The following WDR27 variants were observed in gnomAD, a reference collection of about 807,000 sequenced individuals.
The protein encoded by WDR27 is WD repeat domain 27.
Under a neutral mutation model 114.4 loss-of-function variants are expected in WDR27, and 100 were observed. That is an observed-to-expected ratio of 0.87 (90% CI 0.74 to 1.03). The LOEUF is 1.03. Among genes scored for constraint, WDR27 ranks in the 50% least tolerant of loss-of-function variants. WDR27 has a pLI of 0.00. For missense variants in WDR27, 1,129 were observed against 1,092.9 expected, an observed-to-expected ratio of 1.03 and a Z score of -0.47; for synonymous variants, 449 against 423.1, an observed-to-expected ratio of 1.06 and a Z score of -0.75.
rs1174061662 is a variant in WDR27, at chr6:169,662,438, T to A, written c.905-14A>T. ...GCTGGCTTTCTTCTAGGGACAGAAT[T>A]ATTGAGAATCTAAGAAGTGAACTTA... On this transcript the variant is annotated splice_polypyrimidine_tract_variant and intron_variant, in intron 8 of 25. Transcript: ENST00000448612. The A allele has an allele frequency of 5.6e-6, 9 of 1,613,004 alleles. No homozygotes were observed. In the South Asian group the frequency reaches 9.9e-5, roughly 18 times the overall value.
chr6:169,575,096 ACAC>A (rs1424150705), intron 24 of WDR27, among the ~76,000 whole-genome samples: 1 of 152,090 alleles, frequency 6.6e-6, no homozygotes, highest in Non-Finnish European at 1.5e-5. Flanking sequence ...TCAGGCGGGA[ACAC>A]CACCACCAGC....
At chr6:169,484,114 C>T (rs1354756774) in intron 25 of WDR27, among the ~76,000 whole-genome samples, 1 of 152,230 alleles carries the variant, frequency 6.6e-6, no homozygotes, top group Non-Finnish European at 1.5e-5. Context: ...AAAACTGACA[C>T]AAGACAAGGA....
intron 25 of WDR27, among the ~76,000 whole-genome samples, chr6:169,488,326 G>A (rs1221117927): frequency 1.3e-5 from 2 of 152,210 alleles, no homozygotes; most frequent in Non-Finnish European, 2.9e-5. Flanking sequence ...GGTGGAAGAG[G>A]CAAAAGGTCT....
chr6:169,524,715 AC>A (rs1794759081), intron 25 of WDR27, among the ~76,000 whole-genome samples: 1 of 152,220 alleles, frequency 6.6e-6, no homozygotes, highest in Admixed American at 6.5e-5. Context: ...TGCTGGGAAA[AC>A]TGAATAACCA....
chr6:169,469,260 C>T (rs552796204), intron 25 of WDR27, among the ~76,000 whole-genome samples: 157 of 152,324 alleles, frequency 1.0e-3, no homozygotes, highest in Non-Finnish European at 1.8e-3. Context: ...AAATCTCTAT[C>T]TGTTAACCTT....
rs1226034295 is a variant in WDR27, at chr6:169,659,128, T to TG, written c.1276dup (p.Gln426ProfsTer38). 1 of 1,606,212 alleles carries TG rather than the reference T, an allele frequency of 6.2e-7. No homozygotes were observed. Among genetic ancestry groups the TG allele is most frequent in the South Asian group, 1.1e-5 (1 of 90,318 alleles). On this transcript the variant is annotated frameshift_variant, in exon 12 of 26. Coordinates refer to ENST00000448612, the MANE Select transcript of WDR27 (RefSeq NM_182552.5). LOFTEE classifies it high-confidence loss of function. The surrounding 1 kb of genome is among the most constrained non-coding windows in gnomAD (Gnocchi z 4.3). ...GCTCTGCCCCATGCTGGGGCACTGC[T>TG]GAGCCCTGACTAGCGCGGCCGGGTT... is the stretch of plus-strand genomic sequence containing the variant.
chr6:169,552,973 GGTGTGTGTGTGTGTGTGTGTGTGTGT>G (rs3975497), intron 25 of WDR27, among the ~76,000 whole-genome samples: 16 of 61,800 alleles, frequency 2.6e-4, no homozygotes, highest in African/African-American at 5.8e-4. Flanking sequence ...GGGCCTGCCC[GGTGTGTGTGTGTGTGTGTGTGTGTGT>G]GTGTGTGTGT....
intron 7 of WDR27, 148 bp from the exon 8 acceptor site, chr6:169,664,434 GCCTTCAACATCC>G (rs1196835451): frequency 1.3e-6 from 2 of 1,508,640 alleles, no homozygotes; most frequent in African/African-American, 1.4e-5. Context: ...GCTGTCTCCT[GCCTTCAACATCC>G]CCTCTGGAGG....
chr6:169,471,987 T>A (rs536206241), intron 25 of WDR27, among the ~76,000 whole-genome samples: 1 of 152,176 alleles, frequency 6.6e-6, no homozygotes, highest in South Asian at 2.1e-4. Flanking sequence ...CTCATGAGGG[T>A]GGAGCCCTCA....
chr6:169,588,492 G>T (rs1283295268), intron 23 of WDR27, among the ~76,000 whole-genome samples: 2 of 151,990 alleles, frequency 1.3e-5, no homozygotes, highest in Non-Finnish European at 2.9e-5. Flanking sequence ...CTCCAAAAAT[G>T]TTAATATATT....
chr6:169,459,921 G>C (rs147305128), intron 25 of WDR27, among the ~76,000 whole-genome samples: 1 of 152,146 alleles, frequency 6.6e-6, no homozygotes, highest in Non-Finnish European at 1.5e-5. Flanking sequence ...AGCTGAGGAA[G>C]TTTGTTACCA....
the WDR27 span, among the ~76,000 whole-genome samples, chr6:169,428,113 G>A: frequency 1.3e-5 from 2 of 152,198 alleles, no homozygotes; most frequent in Non-Finnish European, 2.9e-5. Context: ...AGTCAGGGGA[G>A]GGGAGCCATT....
chr6:169,462,280 A>C (rs548918748), intron 25 of WDR27, among the ~76,000 whole-genome samples: 2 of 152,106 alleles, frequency 1.3e-5, no homozygotes, highest in African/African-American at 4.8e-5. Context: ...CCCCATCTTT[A>C]CTAAAAATTA....
chr6:169,441,075 C>T, the WDR27 span, among the ~76,000 whole-genome samples: 2 of 151,782 alleles, frequency 1.3e-5, no homozygotes, highest in African/African-American at 4.8e-5. Flanking sequence ...ATGATGTTAG[C>T]CAAATACTTT....
intron 13 of WDR27, 110 bp from the exon 14 acceptor site, chr6:169,652,118 T>A: frequency 1.1e-6 from 1 of 911,720 alleles, no homozygotes; most frequent in Non-Finnish European, 1.7e-6. Flanking sequence ...ACAAACAGAA[T>A]GAATTCCTGA....
intron 25 of WDR27, among the ~76,000 whole-genome samples, chr6:169,537,550 T>A (rs776546797): frequency 6.6e-6 from 1 of 152,192 alleles, no homozygotes; most frequent in African/African-American, 2.4e-5. Flanking sequence ...AAAAATTGCC[T>A]ACAATGTTGG....
intron 24 of WDR27, among the ~76,000 whole-genome samples, chr6:169,573,137 G>A (rs1476832478): frequency 1.3e-5 from 2 of 152,026 alleles, no homozygotes; most frequent in Admixed American, 6.6e-5. Context: ...GCAGACCTCC[G>A]CCTTCGTCTG....
chr6:169,540,199 T>C (rs972842607), intron 25 of WDR27, among the ~76,000 whole-genome samples: 2 of 152,182 alleles, frequency 1.3e-5, no homozygotes, highest in Admixed American at 1.3e-4. Context: ...AATGACTATT[T>C]AGGTAACAAA....
intron 24 of WDR27, among the ~76,000 whole-genome samples, chr6:169,582,187 C>A (rs1035235767): frequency 1.6e-4 from 24 of 152,182 alleles, no homozygotes; most frequent in African/African-American, 5.8e-4. Context: ...GTTGGCCAGG[C>A]TGGTCTTGGA....
Sources: allele counts gnomAD v4.1 joint callset (sites outside exome capture counted in the v4.1 genomes callset), GRCh38; gene constraint gnomAD v4.1.1; non-coding constraint Gnocchi (gnomAD v3.1); transcripts MANE v1.5; gene names NCBI Gene and HGNC (gene_info 2026-07-23, HGNC 2026-07-21).